Variants in IL1RAPL1 observed in about 807,000 individuals in gnomAD.
IL1RAPL1 encodes the protein interleukin-1 receptor accessory protein-like 1.
IL1RAPL1 carries 3 observed loss-of-function variants against 48.4 expected under a neutral mutation model. The ratio of observed to expected loss-of-function variants is 0.06; its 90% CI spans 0.03 to 0.16. The LOEUF (loss-of-function observed/expected upper bound fraction) is 0.16, where lower values mean the gene tolerates loss of function less well. IL1RAPL1 is among the 10% of genes least tolerant of loss of function. The pLI, the probability that IL1RAPL1 is intolerant of heterozygous loss-of-function variation, is 1.00. For missense variants in IL1RAPL1, 349 were observed against 530.6 expected (o/e 0.66, Z 3.36); for synonymous variants, 185 against 187.7 (o/e 0.99, Z 0.12).
At chrX:28,938,832 A>C (rs997325453) in intron 2 of IL1RAPL1, among the ~76,000 whole-genome samples, 3 of 110,906 alleles carry the variant, frequency 2.7e-5, no homozygotes, top group Non-Finnish European at 5.7e-5. Context: ...AATTTGAAGC[A>C]AAAAACAGTC....
At chrX:29,122,337 C>A (rs1427333163) in intron 2 of IL1RAPL1, among the ~76,000 whole-genome samples, 5 of 108,401 alleles carry the variant, frequency 4.6e-5, no homozygotes, top group African/African-American at 6.7e-5. Flanking sequence ...TTACTCTGAA[C>A]AATTCCACAA....
At chrX:29,544,197 T>C (rs1298040301) in intron 5 of IL1RAPL1, among the ~76,000 whole-genome samples, 1 of 111,886 alleles carries the variant, frequency 8.9e-6, no homozygotes, top group Admixed American at 9.5e-5. Flanking sequence ...CAATTCTCTT[T>C]CGTGGGAATT....
chrX:29,930,431 T>C (rs1246838103), intron 8 of IL1RAPL1, among the ~76,000 whole-genome samples: 2 of 112,057 alleles, frequency 1.8e-5, no homozygotes, highest in Non-Finnish European at 3.8e-5. Context: ...ATAAGCTATT[T>C]TGTAGTACTA....
chrX:29,134,244 A>G (rs1476724871), intron 2 of IL1RAPL1, among the ~76,000 whole-genome samples: 2 of 111,383 alleles, frequency 1.8e-5, no homozygotes, highest in Non-Finnish European at 3.8e-5. Context: ...TATGGGAAGA[A>G]TATATTTAGT....
chrX:29,286,204 A>C lies in IL1RAPL1; in HGVS notation c.362+2987A>C, dbSNP rs185773677. ...TTTCTTATTTCCTTCTTTAATATCT[A>C]TTTTGGACAGAATAATACCACACAA... On this transcript the variant is annotated intron_variant, in intron 3 of 10. Transcript: ENST00000378993. 2.1e-4 allele frequency among the ~76,000 whole-genome samples: 23 copies of C among 111,666 alleles called. No individual in the cohort carries two copies. The East Asian group carries it at 5.6e-3, about 27-fold the overall frequency.
At chrX:29,570,061 A>G (rs940076941) in intron 5 of IL1RAPL1, among the ~76,000 whole-genome samples, 4 of 112,325 alleles carry the variant, frequency 3.6e-5, no homozygotes, top group African/African-American at 1.3e-4. Flanking sequence ...ACTATCATAT[A>G]GAACAGTGGA....
At chrX:28,782,449 A>C (rs1467942524) in intron 1 of IL1RAPL1, among the ~76,000 whole-genome samples, 12 of 111,397 alleles carry the variant, frequency 1.1e-4, no homozygotes, top group Non-Finnish European at 2.1e-4. Context: ...ACCATACCCT[A>C]CTACTAATAA....
intron 2 of IL1RAPL1, among the ~76,000 whole-genome samples, chrX:29,191,434 T>C (rs1164097436): frequency 2.7e-5 from 3 of 111,613 alleles, no homozygotes; most frequent in African/African-American, 9.8e-5. Flanking sequence ...TGGCCTGTAA[T>C]AATCAAAACT....
At chrX:29,264,731 T>C (rs369230424) in intron 2 of IL1RAPL1, among the ~76,000 whole-genome samples, 2 of 110,933 alleles carry the variant, frequency 1.8e-5, no homozygotes, top group South Asian at 3.8e-4. Flanking sequence ...AACTGGGTTC[T>C]CAATTACTCT....
chrX:29,116,512 AT>A (rs1928680722), intron 2 of IL1RAPL1, among the ~76,000 whole-genome samples: 1 of 111,802 alleles, frequency 8.9e-6, no homozygotes, highest in Admixed American at 9.5e-5. Flanking sequence ...TAAGAATGAG[AT>A]TTTTGAACCA....
At chrX:28,971,982 T>C (rs1925088007) in intron 2 of IL1RAPL1, among the ~76,000 whole-genome samples, 1 of 109,360 alleles carries the variant, frequency 9.1e-6, no homozygotes, top group Non-Finnish European at 1.9e-5. Flanking sequence ...ATTAACTTTC[T>C]AGCCTCAGAT....
At chrX:28,722,153 G>A (rs1000575724) in intron 1 of IL1RAPL1, among the ~76,000 whole-genome samples, 1 of 111,513 alleles carries the variant, frequency 9.0e-6, no homozygotes, top group Non-Finnish European at 1.9e-5. Flanking sequence ...TAGCTTGATG[G>A]GGATGGCATT....
intron 1 of IL1RAPL1, among the ~76,000 whole-genome samples, chrX:28,699,139 A>G (rs779313280): frequency 2.7e-5 from 3 of 112,476 alleles, no homozygotes; most frequent in East Asian, 2.8e-4. Flanking sequence ...ATATTAGATC[A>G]TGTGATCCTT....
chrX:29,360,140 C>T (rs1933357382), intron 3 of IL1RAPL1, among the ~76,000 whole-genome samples: 1 of 112,013 alleles, frequency 8.9e-6, no homozygotes, highest in Non-Finnish European at 1.9e-5. Flanking sequence ...TGATTATGTG[C>T]TAGGCATTGT....
At chrX:29,335,548 TAGTCTCCTG>T (rs978671170) in intron 3 of IL1RAPL1, among the ~76,000 whole-genome samples, 13 of 110,173 alleles carry the variant, frequency 1.2e-4, no homozygotes, top group Non-Finnish European at 1.7e-4. Flanking sequence ...TATAATGTAT[TAGTCTCCTG>T]AGTCTGTTGT....
At chrX:28,866,887 G>C (rs1922089969) in intron 2 of IL1RAPL1, among the ~76,000 whole-genome samples, 1 of 111,497 alleles carries the variant, frequency 9.0e-6, no homozygotes, top group African/African-American at 3.3e-5. Flanking sequence ...TAAAGTTAGG[G>C]AATTTTTTAC....
At chrX:28,894,619 A>G (rs1922858365) in intron 2 of IL1RAPL1, among the ~76,000 whole-genome samples, 2 of 111,036 alleles carry the variant, frequency 1.8e-5, no homozygotes, top group African/African-American at 6.6e-5. Context: ...GATAGATTTT[A>G]GGAGTTATGA....
At chrX:29,639,562 T>G (rs1361266999) in intron 5 of IL1RAPL1, among the ~76,000 whole-genome samples, 1 of 108,460 alleles carries the variant, frequency 9.2e-6, no homozygotes, top group Non-Finnish European at 1.9e-5. Flanking sequence ...TTTTTTTTTT[T>G]TTTTTAAAGC....
chrX:29,351,441 C>G (rs915607238), intron 3 of IL1RAPL1, among the ~76,000 whole-genome samples: 1 of 111,205 alleles, frequency 9.0e-6, no homozygotes, highest in African/African-American at 3.3e-5. Context: ...TTTGAGGAGA[C>G]GATGTGAATA....
Sources: gnomAD v4.1 joint callset for allele counts (sites outside exome capture counted in the v4.1 genomes callset) on GRCh38, gnomAD v4.1.1 for gene constraint, MANE v1.5 for transcripts, NCBI Gene and HGNC (gene_info 2026-07-23, HGNC 2026-07-21) for gene names.